The following RIPOR3 variants were observed in gnomAD, a reference collection of about 807,000 sequenced individuals.
The protein encoded by RIPOR3 is family with sequence similarity 65 member C.
Under a neutral mutation model 114.3 loss-of-function variants are expected in RIPOR3, and 95 were observed. The ratio of observed to expected loss-of-function variants is 0.83; its 90% CI spans 0.70 to 0.99. The LOEUF is 0.99. RIPOR3 is among the 50% of genes least tolerant of loss of function. The pLI, the probability that RIPOR3 is intolerant of heterozygous loss-of-function variation, is 0.00. For synonymous variants in RIPOR3, 575 were observed against 543.8 expected (o/e 1.06, Z -0.80); for missense variants, 1,252 against 1,266.9 (o/e 0.99, Z 0.18).
chr20:50,669,749 C>A lies in RIPOR3; in HGVS notation c.3+21377G>T, dbSNP rs560616367. On this transcript the variant is annotated intron_variant, in intron 1 of 21. Transcript: ENST00000327979. ...CGGGCCAGGATGGGCTCAATGTGTT[C>A]TTGCTCAGGTAGGTGACACCTCATT... 2.0e-5 allele frequency among the ~76,000 whole-genome samples: 3 copies of A among 152,022 alleles called. No individual in the cohort carries two copies. The South Asian group carries it at 6.2e-4, about 32-fold the overall frequency.
intron 17 of RIPOR3, 99 bp from the exon 18 acceptor site, chr20:50,593,295 G>C: frequency 7.3e-7 from 1 of 1,373,656 alleles, no homozygotes; most frequent in East Asian, 2.5e-5. Context: ...TTTCTGGGCC[G>C]GGCGCAGTGG....
intron 1 of RIPOR3, among the ~76,000 whole-genome samples, chr20:50,650,034 G>A (rs995887363): frequency 6.6e-6 from 1 of 152,144 alleles, no homozygotes; most frequent in African/African-American, 2.4e-5. Flanking sequence ...GTCGGGGAGT[G>A]GGGCTGGGGG....
intron 1 of RIPOR3, among the ~76,000 whole-genome samples, chr20:50,641,949 G>A (rs1290895120): frequency 6.6e-6 from 1 of 152,100 alleles, no homozygotes; most frequent in East Asian, 1.9e-4. Flanking sequence ...GGGGGGTAAG[G>A]GTGGGGCCCC....
intron 1 of RIPOR3, among the ~76,000 whole-genome samples, chr20:50,684,777 T>C (rs1220536969): frequency 6.6e-6 from 1 of 152,150 alleles, no homozygotes; most frequent in Non-Finnish European, 1.5e-5. Flanking sequence ...ATTTCTTTTC[T>C]GTTCCTCTTT....
In RIPOR3 at chr20:50,593,206, G is replaced by A. The variant is rs1385515760; in HGVS notation, c.2213-10C>T. The A allele has an allele frequency of 7.5e-6, 12 of 1,609,882 alleles. No homozygotes were observed. The highest frequency in any genetic ancestry group is 1.1e-5 in the South Asian group (1 of 91,018). ...AGGAGCCTGCGGCACGCTGGCCAAA[G>A]GGGAGAGTACATCAGGAGAAACTGA... On this transcript the variant is annotated splice_polypyrimidine_tract_variant and intron_variant, in intron 17 of 21. Transcript: ENST00000327979.
intron 1 of RIPOR3, among the ~76,000 whole-genome samples, chr20:50,677,530 C>T (rs543743833): frequency 6.6e-6 from 1 of 151,782 alleles, no homozygotes; most frequent in Non-Finnish European, 1.5e-5. Flanking sequence ...CACCACCACA[C>T]CTGGCTAATT....
chr20:50,666,055 C>G (rs1880743001), intron 1 of RIPOR3, among the ~76,000 whole-genome samples: 1 of 151,160 alleles, frequency 6.6e-6, no homozygotes, highest in African/African-American at 2.4e-5. Flanking sequence ...TTTCGTTTTT[C>G]CATTCAGGCC....
At chr20:50,634,724 T>C (rs545094427) in intron 1 of RIPOR3, among the ~76,000 whole-genome samples, 5 of 152,308 alleles carry the variant, frequency 3.3e-5, no homozygotes, top group African/African-American at 1.2e-4. Context: ...GATGGACAAA[T>C]GTTTTCTGTA....
intron 17 of RIPOR3, among the ~76,000 whole-genome samples, chr20:50,593,490 G>T (rs554531077): frequency 6.0e-4 from 92 of 152,148 alleles, no homozygotes; most frequent in Non-Finnish European, 1.2e-3. Flanking sequence ...AGAATCGCTT[G>T]AACCCGGGAG....
At chr20:50,632,805 G>A (rs941211757) in intron 1 of RIPOR3, among the ~76,000 whole-genome samples, 1 of 152,252 alleles carries the variant, frequency 6.6e-6, no homozygotes, top group African/African-American at 2.4e-5. Context: ...AGGAGCCCCA[G>A]CAGGGCACCT....
At chr20:50,599,947 C>G (rs1360176105) in intron 13 of RIPOR3, among the ~76,000 whole-genome samples, 1 of 151,950 alleles carries the variant, frequency 6.6e-6, no homozygotes, top group Non-Finnish European at 1.5e-5. Context: ...GTTGCCCAGG[C>G]TGGAGTGCAT....
chr20:50,638,969 C>T (rs750123961), intron 1 of RIPOR3, among the ~76,000 whole-genome samples: 1 of 152,120 alleles, frequency 6.6e-6, no homozygotes, highest in African/African-American at 2.4e-5. Flanking sequence ...AGGCCGGGCG[C>T]AGTGGCTCAT....
chr20:50,668,462 TG>T (rs906260939), intron 1 of RIPOR3, among the ~76,000 whole-genome samples: 4 of 152,146 alleles, frequency 2.6e-5, no homozygotes, highest in Admixed American at 6.6e-5. Context: ...CCCCAACCTT[TG>T]CGCCTCCTCC....
Position 50,620,056 on chromosome 20 carries a change from C to G in RIPOR3, c.199G>C (p.Gly67Arg), listed in dbSNP as rs144486592. The G allele has an allele frequency of 1.2e-6, 2 of 1,614,068 alleles. No homozygotes were observed. Among genetic ancestry groups the G allele is most frequent in the African/African-American group, 2.7e-5 (2 of 74,934 alleles). Residue 67 changes from glycine (G) to arginine (R), a missense_variant, in exon 3 of 22, where the codon GGG becomes CGG. Gly to Arg is a moderately radical substitution (Grantham distance 125). Transcript: ENST00000327979. ...SSKMYGTLRK[G>R]SVCADPKPQQ... ...GGCTTCGGGTCTGCACAGACCGACC[C>G]CTTCCGCAGCGTGCCGTACATCTTG... is the stretch of plus-strand genomic sequence containing the variant.
intron 1 of RIPOR3, among the ~76,000 whole-genome samples, chr20:50,672,937 T>C (rs1245472024): frequency 6.6e-6 from 1 of 152,186 alleles, no homozygotes; most frequent in Non-Finnish European, 1.5e-5. Flanking sequence ...GCAACTCACC[T>C]GTAGCGCATG....
chr20:50,633,473 T>C (rs1358620199), intron 1 of RIPOR3, among the ~76,000 whole-genome samples: 1 of 152,112 alleles, frequency 6.6e-6, no homozygotes, highest in Non-Finnish European at 1.5e-5. Flanking sequence ...TCAGCACCTA[T>C]GCAGGGCCTG....
rs569567172 is a variant in RIPOR3, at chr20:50,639,101, G to A, written c.4-8245C>T. Among the ~76,000 whole-genome samples the A allele has an allele frequency of 2.3e-3, 350 of 152,226 alleles. 4 individuals are homozygous for A. Among genetic ancestry groups the A allele is most frequent in the African/African-American group, 7.9e-3 (327 of 41,524 alleles). ...TACTAAAAACACAGAAATTAGCCAG[G>A]TGTCGTGGTGCATGCCTGTAATCCC... On this transcript the variant is annotated intron_variant, in intron 1 of 21. Coordinates refer to ENST00000327979, the MANE Select transcript of RIPOR3 (RefSeq NM_001290268.2).
chr20:50,592,629 G>A, intron 18 of RIPOR3, 83 bp from the exon 19 acceptor site: 1 of 1,257,446 alleles, frequency 8.0e-7, no homozygotes, highest in Non-Finnish European at 1.0e-6. Flanking sequence ...GCTGCTGCCA[G>A]TAGCCACAGA....
intron 1 of RIPOR3, among the ~76,000 whole-genome samples, chr20:50,666,187 C>CTTTTCTTTTCTTTTCTTT (rs1568944377): frequency 1.2e-5 from 1 of 82,558 alleles, no homozygotes; most frequent in African/African-American, 5.1e-5. Context: ...ACACCCATTT[C>CTTTTCTTTTCTTTTCTTT]TTTTCTTTTC....
Sources: allele counts gnomAD v4.1 joint callset (sites outside exome capture counted in the v4.1 genomes callset), GRCh38; gene constraint gnomAD v4.1.1; transcripts MANE v1.5; gene names NCBI Gene and HGNC (gene_info 2026-07-23, HGNC 2026-07-21).